MYOF: variants seen among roughly 807,000 people sequenced by gnomAD.
MYOF encodes myoferlin, also known as fer-1-like 3, myoferlin.
Under a neutral mutation model 284.2 loss-of-function variants are expected in MYOF, and 244 were observed. The observed-to-expected ratio is 0.86, with a 90% confidence interval of 0.77 to 0.95. The LOEUF (loss-of-function observed/expected upper bound fraction) is 0.95, where lower values mean the gene tolerates loss of function less well. Ranked by LOEUF, MYOF falls within the 40% of genes least tolerant of loss-of-function variation. The probability of loss-of-function intolerance (pLI) is 0.00; values close to 1 mark genes in which losing one functional copy is unlikely to be tolerated. For synonymous variants in MYOF, 904 were observed against 919.7 expected (o/e 0.98, Z 0.31); for missense variants, 2,496 against 2,560.6 (o/e 0.97, Z 0.54).
At chr10:93,430,641 A>G (rs1008194271) in intron 4 of MYOF, among the ~76,000 whole-genome samples, 5 of 152,132 alleles carry the variant, frequency 3.3e-5, no homozygotes, top group Non-Finnish European at 5.9e-5. Context: ...GCTTATGTCA[A>G]TGAACTGCCT....
chr10:93,477,166 C>T (rs1252040083), intron 1 of MYOF, among the ~76,000 whole-genome samples: 1 of 152,120 alleles, frequency 6.6e-6, no homozygotes, highest in Middle Eastern at 3.2e-3. Context: ...AAAATGGAAG[C>T]CTAAGGCAAG....
In MYOF at chr10:93,333,481, G is replaced by A. The variant is rs560515938; in HGVS notation, c.4720-169C>T. On this transcript the variant is annotated intron_variant, in intron 42 of 53. Transcript: ENST00000359263. ...AGCAATGCTCTCCTTTGGGTGGCAT[G>A]CAGCCAGTTGTGTGGGTGCAGGGGT... Among the ~76,000 whole-genome samples, 3 of 148,064 alleles carry A rather than the reference G, an allele frequency of 2.0e-5. No individual in the cohort carries two copies. The South Asian group carries it at 6.6e-4, about 32-fold the overall frequency.
rs79909649 is a variant in MYOF at position 93,330,790 on chromosome 10, A to T, written c.4812-956T>A. On this transcript the variant is annotated intron_variant, in intron 43 of 53. Coordinates refer to ENST00000359263, the MANE Select transcript of MYOF (RefSeq NM_013451.4). ...CTCTGCCTCCTCCCCTTCTCCTTGC[A>T]CTCTGGTGTGTGGACTGGTCCCTGC... Among the ~76,000 whole-genome samples, 451 of 152,202 alleles carry T rather than the reference A, an allele frequency of 3.0e-3. 9 individuals carry two copies. The East Asian group carries it at 0.048, about 16-fold the overall frequency.
At chr10:93,471,473 T>C (rs79403937) in intron 1 of MYOF, among the ~76,000 whole-genome samples, 2,048 of 152,310 alleles carry the variant, frequency 0.013, 44 homozygotes, top group African/African-American at 0.044. Context: ...GAGTTGTTTC[T>C]TCATCCATGC....
intron 30 of MYOF, 70 bp from the exon 31 acceptor site, chr10:93,355,806 C>A (rs1844773680): frequency 3.7e-6 from 4 of 1,075,236 alleles, no homozygotes; most frequent in African/African-American, 1.5e-5. Flanking sequence ...ATCAACCAAC[C>A]AAGAGGCAAG....
rs59509598 is a variant in MYOF at position 93,339,013 on chromosome 10, C to CTT, written c.4339-1102_4339-1101dup. 2.5e-3 allele frequency among the ~76,000 whole-genome samples: 333 copies of CTT among 131,376 alleles called. 13 individuals are homozygous for CTT. The highest frequency in any genetic ancestry group is 0.018 in the South Asian group (73 of 4,046). The allele number at this position is 131,376 out of a possible 152,430, so 86.2% of individuals were successfully genotyped here. A position where few individuals can be genotyped will look rare whatever the true frequency, so the allele number is the denominator to read the frequency against. On this transcript the variant is annotated intron_variant, in intron 39 of 53. Coordinates refer to ENST00000359263, the MANE Select transcript of MYOF (RefSeq NM_013451.4). ...GAAGAAGGGACAAGAAAGGCTACCA[C>CTT]TTTTTTTTTTTTTTTTTTGAGACGG...
rs573234627 is a variant in MYOF at position 93,364,636 on chromosome 10, T to C, written c.2754-561A>G. 2.6e-5 allele frequency among the ~76,000 whole-genome samples: 4 copies of C among 152,318 alleles called. No homozygotes were observed. In the East Asian group the frequency reaches 5.8e-4, roughly 22 times the overall value. On this transcript the variant is annotated intron_variant, in intron 26 of 53. Coordinates refer to ENST00000359263, the MANE Select transcript of MYOF (RefSeq NM_013451.4). ...GGTCATTTCAGACTCCAAACTCCAT[T>C]TGGGCATTTGGGAAATCCATACTGA...
At chr10:93,452,813 TC>T (rs2056632765) in intron 2 of MYOF, among the ~76,000 whole-genome samples, 1 of 152,168 alleles carries the variant, frequency 6.6e-6, no homozygotes, top group South Asian at 2.1e-4. Flanking sequence ...CATACTACTA[TC>T]AAACAAAGAA....
At chr10:93,438,440 C>T (rs978831486) in intron 3 of MYOF, among the ~76,000 whole-genome samples, 1 of 152,152 alleles carries the variant, frequency 6.6e-6, no homozygotes, top group African/African-American at 2.4e-5. Context: ...AAGGGCTGCG[C>T]CTCGGTTCAC....
intron 3 of MYOF, 149 bp downstream of exon 3, chr10:93,451,901 A>G: frequency 1.5e-6 from 1 of 670,434 alleles, no homozygotes; most frequent in Non-Finnish European, 2.6e-6. Context: ...CACATCTGCT[A>G]TTGGCTTAGA....
chr10:93,361,263 C>T (rs768150148), intron 28 of MYOF, among the ~76,000 whole-genome samples, 189 bp downstream of exon 28: 23 of 152,050 alleles, frequency 1.5e-4, no homozygotes, highest in African/African-American at 2.2e-4. Context: ...CTCACTTGCC[C>T]GCCGCTCACC....
chr10:93,357,363 C>T (rs1232835672), intron 29 of MYOF, among the ~76,000 whole-genome samples: 2 of 152,080 alleles, frequency 1.3e-5, no homozygotes, highest in African/African-American at 4.8e-5. Flanking sequence ...ATAACAAATT[C>T]GTGTGGTACT....
At chr10:93,352,720 CTGA>C (rs1281495450) in intron 32 of MYOF, among the ~76,000 whole-genome samples, 4 of 152,166 alleles carry the variant, frequency 2.6e-5, no homozygotes, top group Non-Finnish European at 5.9e-5. Context: ...TGCTTTTGCC[CTGA>C]TGATAATTCT....
intron 3 of MYOF, among the ~76,000 whole-genome samples, chr10:93,444,282 C>G (rs2056364458): frequency 6.6e-6 from 1 of 152,230 alleles, no homozygotes; most frequent in Non-Finnish European, 1.5e-5. Context: ...TTAGAGCCTA[C>G]TATATGCCAG....
rs558300507 is a variant in MYOF, at chr10:93,429,266, C to T, written c.345+2142G>A. On this transcript the variant is annotated intron_variant, in intron 4 of 53. Coordinates refer to ENST00000359263, the MANE Select transcript of MYOF (RefSeq NM_013451.4). ...CCTGCTTCCTCTCCACCTTCCCCCACGAGTAAAAGCTTCCTGAGGCCTCAC... is the reference window on the plus strand; with the variant it reads ...CCTGCTTCCTCTCCACCTTCCCCCATGAGTAAAAGCTTCCTGAGGCCTCAC... Among the ~76,000 whole-genome samples the T allele has an allele frequency of 2.4e-4, 37 of 152,288 alleles. No individual in the cohort carries two copies. The South Asian group carries it at 5.6e-3, about 23-fold the overall frequency.
intron 19 of MYOF, among the ~76,000 whole-genome samples, chr10:93,384,920 G>T (rs556347165): frequency 6.6e-6 from 1 of 152,328 alleles, no homozygotes; most frequent in South Asian, 2.1e-4. Flanking sequence ...ACACTGCCCA[G>T]CATGCCACCT....
chr10:93,387,978 A>C (rs561510270), intron 18 of MYOF, 65 bp from the exon 19 acceptor site: 2 of 1,313,326 alleles, frequency 1.5e-6, no homozygotes, highest in South Asian at 2.4e-5. Flanking sequence ...CTGTGTCTCT[A>C]GTCAGGCTAA....
rs748269941 is a variant in MYOF, at chr10:93,333,210, A to T, written c.4811+11T>A. On this transcript the variant is annotated intron_variant, in intron 43 of 53. Transcript: ENST00000359263. ...ATGAAGGCCAGAAAAACATTTAAGA[A>T]TGTATATTACCTGCCAAAGACTGGG... The T allele has an allele frequency of 3.1e-6, 5 of 1,608,420 alleles. No individual in the cohort carries two copies. The East Asian group carries it at 1.1e-4, about 36-fold the overall frequency.
chr10:93,328,586 C>T (rs960558749), intron 45 of MYOF, among the ~76,000 whole-genome samples, 177 bp downstream of exon 45: 2 of 152,178 alleles, frequency 1.3e-5, no homozygotes, highest in Non-Finnish European at 2.9e-5. Context: ...GAAAATGTGT[C>T]CACTTTGACA....
Sources: allele counts gnomAD v4.1 joint callset (sites outside exome capture counted in the v4.1 genomes callset), GRCh38; gene constraint gnomAD v4.1.1; transcripts MANE v1.5; gene names NCBI Gene and HGNC (gene_info 2026-07-23, HGNC 2026-07-21).